The following ADAT2 variants were observed in gnomAD, a reference collection of about 807,000 sequenced individuals.
ADAT2 encodes the protein adenosine deaminase tRNA specific 2.
Under a neutral mutation model 25.9 loss-of-function variants are expected in ADAT2, and 26 were observed. The observed-to-expected ratio is 1.00, with a 90% confidence interval of 0.74 to 1.39. The LOEUF is 1.39. Ranked by LOEUF, ADAT2 falls within the 40% of genes most tolerant of loss-of-function variation. ADAT2 has a pLI of 0.00. For missense variants in ADAT2, 220 were observed against 244.8 expected (o/e 0.90, Z 0.68); for synonymous variants, 76 against 86.8 (o/e 0.88, Z 0.69).
chr6:143,433,682 C>CT, intron 3 of ADAT2, 149 bp downstream of exon 3: 1 of 698,520 alleles, frequency 1.4e-6, no homozygotes, highest in Non-Finnish European at 2.1e-6. Flanking sequence ...ATTTAAAAAG[C>CT]TTTTCTTTTT....
chr6:143,437,492 G>T lies in ADAT2; in HGVS notation c.201+1098C>A, dbSNP rs1343992383. 2.0e-5 allele frequency among the ~76,000 whole-genome samples: 3 copies of T among 152,038 alleles called. No homozygotes were observed. The highest frequency in any genetic ancestry group is 6.6e-5 in the Admixed American group (1 of 15,260). ...TTCTAAGAACTCATTTCTGATTAAG[G>T]ATGTGAACATTTTGTCAAGCATTGC... is the stretch of plus-strand genomic sequence containing the variant. On this transcript the variant is annotated intron_variant, in intron 2 of 5. Coordinates refer to ENST00000237283, the MANE Select transcript of ADAT2 (RefSeq NM_182503.3). This position sits in a 1 kb window ranked among gnomAD's most constrained non-coding sequence, Gnocchi z 4.1.
At chr6:143,430,960 CT>C (rs1779096628) in intron 4 of ADAT2, among the ~76,000 whole-genome samples, 1 of 152,178 alleles carries the variant, frequency 6.6e-6, no homozygotes, top group Non-Finnish European at 1.5e-5. Flanking sequence ...AATTTTAATG[CT>C]GCTTATAATA....
chr6:143,447,994 A>T (rs9496640), intron 1 of ADAT2, among the ~76,000 whole-genome samples: 36,246 of 152,150 alleles, frequency 0.24, 4,808 homozygotes, highest in Middle Eastern at 0.3. Flanking sequence ...TTGGAACTCA[A>T]CCCAAATGTC....
chr6:143,425,782 TTATA>T lies in ADAT2; in HGVS notation c.*2677_*2680del, dbSNP rs1163725255. The T allele has an allele frequency of 3.3e-5, 5 of 151,168 alleles. No homozygotes were observed. Among genetic ancestry groups the T allele is most frequent in the African/African-American group, 1.2e-4 (5 of 40,884 alleles). The allele number at this position is 151,168 out of a possible 1,614,324, so 9.4% of individuals were successfully genotyped here. A position where few individuals can be genotyped will look rare whatever the true frequency, so the allele number is the denominator to read the frequency against. Reference sequence around the variant, plus strand: ...GTGTGTGTGTGTGTGTGTGTGTATTTTATATATATATACTTTTCCCAGTAAAAAG... The same window carrying T: ...GTGTGTGTGTGTGTGTGTGTGTATTTTATATATACTTTTCCCAGTAAAAAG... On this transcript the variant is annotated 3_prime_UTR_variant, in exon 6 of 6. Coordinates refer to ENST00000237283, the MANE Select transcript of ADAT2 (RefSeq NM_182503.3).
In ADAT2 at chr6:143,447,310, C is replaced by T. The variant is rs139607825; in HGVS notation, c.96+3253G>A. Among the ~76,000 whole-genome samples, 1,482 of 152,232 alleles carry T rather than the reference C, an allele frequency of 9.7e-3. 36 individuals carry two copies. The highest frequency in any genetic ancestry group is 0.048 in the Admixed American group (739 of 15,284). On this transcript the variant is annotated intron_variant, in intron 1 of 5. Coordinates refer to ENST00000237283, the MANE Select transcript of ADAT2 (RefSeq NM_182503.3). ...TATTAGGCATTATGGTTTTAGAAGG[C>T]AATACAGGAATATCTATATAATTTC...
chr6:143,450,611 C>A lies in ADAT2; in HGVS notation c.48G>T (p.Ser16=). The change falls in exon 1 of 6, where the codon TCG becomes TCT. Residue 16 remains serine (S), a synonymous_variant. Coordinates refer to ENST00000237283, the MANE Select transcript of ADAT2 (RefSeq NM_182503.3). ...APKPAASGAC[S]VSAEETEKWM... is the part of the protein sequence containing the mutation. ...ACTTTTCGGTCTCCTCTGCCGACAC[C>A]GAGCACGCGCCGCTTGCAGCTGGCT... 1.2e-6 allele frequency: 2 copies of A among 1,614,080 alleles called. No homozygotes were observed. The highest frequency in any genetic ancestry group is 1.6e-4 in the Middle Eastern group (1 of 6,062).
chr6:143,431,539 T>G (rs1779116448), intron 4 of ADAT2, among the ~76,000 whole-genome samples: 1 of 152,264 alleles, frequency 6.6e-6, no homozygotes, highest in East Asian at 1.9e-4. Context: ...TCTCCATCAT[T>G]GCATTACAAT....
At chr6:143,441,947 TG>T (rs1779469345) in intron 1 of ADAT2, 1 of 152,234 alleles carries the variant, frequency 6.6e-6, no homozygotes, top group African/African-American at 2.4e-5. Flanking sequence ...CATATACTGC[TG>T]GTCGGAATAT....
chr6:143,443,267 C>A (rs960756563), intron 1 of ADAT2, among the ~76,000 whole-genome samples: 5 of 152,102 alleles, frequency 3.3e-5, no homozygotes, highest in Non-Finnish European at 7.4e-5. Context: ...GGAGCACCTA[C>A]CAAGGGCCAG....
chr6:143,445,000 C>A lies in ADAT2; in HGVS notation c.96+5563G>T. 7.8e-7 allele frequency: 1 copy of A among 1,284,612 alleles called. No individual in the cohort carries two copies. Among genetic ancestry groups the A allele is most frequent in the Non-Finnish European group, 1.0e-6 (1 of 971,922 alleles). The allele number at this position is 1,284,612 out of a possible 1,614,324, so 79.6% of individuals were successfully genotyped here. On this transcript the variant is annotated intron_variant, in intron 1 of 5. Coordinates refer to ENST00000237283, the MANE Select transcript of ADAT2 (RefSeq NM_182503.3). The surrounding 1 kb of genome is among the most constrained non-coding windows in gnomAD (Gnocchi z 4.3). ...AAGACAAAAAATTAGGGGGAACAAACAAGTTAGCCAGAACTCTCAGGTAGA... is the reference window on the plus strand; with the variant it reads ...AAGACAAAAAATTAGGGGGAACAAAAAAGTTAGCCAGAACTCTCAGGTAGA...
chr6:143,424,663 GAAGGA>G lies in ADAT2; in HGVS notation c.*3795_*3799del, dbSNP rs1205917822. ...TTACTTTTGCTGAGGAGGAAATTAG[GAAGGA>G]AAGAATTTATTTCTCAGGCTTAATT... On this transcript the variant is annotated 3_prime_UTR_variant, in exon 6 of 6. Transcript: ENST00000237283. The surrounding 1 kb of genome is among the most constrained non-coding windows in gnomAD (Gnocchi z 4.8). 6.6e-6 allele frequency: 1 copy of G among 152,116 alleles called. No individual in the cohort carries two copies. Among genetic ancestry groups the G allele is most frequent in the Non-Finnish European group, 1.5e-5 (1 of 68,024 alleles). 9.4% of individuals were successfully genotyped at this position (152,116 alleles called of 1,614,324 possible).
rs35250658 is a variant in ADAT2 at position 143,439,346 on chromosome 6, C to CAAA, written c.97-655_97-653dup. Among the ~76,000 whole-genome samples, 392 of 111,018 alleles carry CAAA rather than the reference C, an allele frequency of 3.5e-3. 2 individuals are homozygous for CAAA. Among genetic ancestry groups the CAAA allele is most frequent in the African/African-American group, 0.012 (350 of 29,842 alleles). The allele number at this position is 111,018 out of a possible 152,430, so 72.8% of individuals were successfully genotyped here. A position where few individuals can be genotyped will look rare whatever the true frequency, so the allele number is the denominator to read the frequency against. Reference sequence around the variant, plus strand: ...TTTAAAAGAAGGGAATATGTGTCTACAAAAAAAAAAAAAAAAAGAAGAAGA... The same window carrying CAAA: ...TTTAAAAGAAGGGAATATGTGTCTACAAAAAAAAAAAAAAAAAAAAGAAGAAGA... On this transcript the variant is annotated intron_variant, in intron 1 of 5. Transcript: ENST00000237283.
At position 143,440,417 on chromosome 6, in the gene ADAT2, C is replaced by T. The variant is rs998481273; in HGVS notation, c.97-1723G>A. Among the ~76,000 whole-genome samples, 7 of 152,290 alleles carry T rather than the reference C, an allele frequency of 4.6e-5. No homozygotes were observed. The highest frequency in any genetic ancestry group is 1.9e-4 in the East Asian group (1 of 5,182). ...CCTCAGTTATTCCCACCATGTTCAACGGACACTTATTCTTCATTTGGCCAT... is the reference window on the plus strand; with the variant it reads ...CCTCAGTTATTCCCACCATGTTCAATGGACACTTATTCTTCATTTGGCCAT... On this transcript the variant is annotated intron_variant, in intron 1 of 5. Coordinates refer to ENST00000237283, the MANE Select transcript of ADAT2 (RefSeq NM_182503.3). The surrounding 1 kb of genome is among the most constrained non-coding windows in gnomAD (Gnocchi z 4.5).
chr6:143,443,343 G>A (rs186952395), intron 1 of ADAT2, among the ~76,000 whole-genome samples: 7 of 152,170 alleles, frequency 4.6e-5, no homozygotes, highest in South Asian at 4.1e-4. Flanking sequence ...ACACTTCACC[G>A]ATCAGCTGCT....
rs1778964017 is a variant in ADAT2, at chr6:143,427,245, AAAAC to A, written c.*1214_*1217del. 1 of 152,682 alleles carries A rather than the reference AAAAC, an allele frequency of 6.5e-6. No individual in the cohort carries two copies. Among genetic ancestry groups the A allele is most frequent in the Non-Finnish European group, 1.5e-5 (1 of 68,056 alleles). 9.5% of individuals were successfully genotyped at this position (152,682 alleles called of 1,614,324 possible). On this transcript the variant is annotated 3_prime_UTR_variant, in exon 6 of 6. Transcript: ENST00000237283. ...TACATTCCAGCCTGTAATGTAATTC[AAAAC>A]AAACAAGTCAGAGACATCGCTCAAA...
rs555169199 is a variant in ADAT2 at position 143,435,920 on chromosome 6, G to A, written c.202-1939C>T. Among the ~76,000 whole-genome samples, 11 of 152,042 alleles carry A rather than the reference G, an allele frequency of 7.2e-5. No homozygotes were observed. In the South Asian group the frequency reaches 1.5e-3, roughly 20 times the overall value. ...GTTTTTTTCTAACTGAAAAGGTAAC[G>A]GCTAATTTAAAAATGTTAATTCTAT... On this transcript the variant is annotated intron_variant, in intron 2 of 5. Coordinates refer to ENST00000237283, the MANE Select transcript of ADAT2 (RefSeq NM_182503.3).
rs1388022369 is a variant in ADAT2 at position 143,426,593 on chromosome 6, ATTG to A, written c.*1867_*1869del. 1.3e-5 allele frequency: 2 copies of A among 152,206 alleles called. No individual in the cohort carries two copies. Among genetic ancestry groups the A allele is most frequent in the Non-Finnish European group, 2.9e-5 (2 of 68,032 alleles). The allele number at this position is 152,206 out of a possible 1,614,324, so 9.4% of individuals were successfully genotyped here. A position where few individuals can be genotyped will look rare whatever the true frequency, so the allele number is the denominator to read the frequency against. ...AACAGCAAAGACGGAACATATGTAT[ATTG>A]TTAAGTCTTTTCTATCCTTCCCTGT... On this transcript the variant is annotated 3_prime_UTR_variant, in exon 6 of 6. Transcript: ENST00000237283. The surrounding 1 kb of genome is among the most constrained non-coding windows in gnomAD (Gnocchi z 4.1).
At chr6:143,445,027 C>T in intron 1 of ADAT2, 1 of 1,135,986 alleles carries the variant, frequency 8.8e-7, no homozygotes, top group South Asian at 1.3e-5. Flanking sequence ...TCAGGTAGAA[C>T]ATCATCCTGT....
At position 143,432,745 on chromosome 6, in the gene ADAT2, C is replaced by T. The variant is rs1416096989; in HGVS notation, c.353-134G>A. The T allele has an allele frequency of 1.4e-5, 11 of 803,570 alleles. No individual in the cohort carries two copies. Among genetic ancestry groups the T allele is most frequent in the Non-Finnish European group, 2.0e-5 (10 of 488,438 alleles). 49.8% of individuals were successfully genotyped at this position (803,570 alleles called of 1,614,324 possible). A position where few individuals can be genotyped will look rare whatever the true frequency, so the allele number is the denominator to read the frequency against. On this transcript the variant is annotated intron_variant, in intron 3 of 5. Transcript: ENST00000237283. The surrounding 1 kb of genome is among the most constrained non-coding windows in gnomAD (Gnocchi z 4.4). ...CTTCAAACCAGTGAAGCTTAGGATT[C>T]GTCTTATAAACCATACAATCCAGCT...
Sources: gnomAD v4.1 joint callset for allele counts (sites outside exome capture counted in the v4.1 genomes callset) on GRCh38, gnomAD v4.1.1 for gene constraint, Gnocchi (gnomAD v3.1) non-coding constraint, MANE v1.5 for transcripts, NCBI Gene and HGNC (gene_info 2026-07-23, HGNC 2026-07-21) for gene names.